The following ZIC3 variants were observed in gnomAD, a reference collection of about 807,000 sequenced individuals.
ZIC3 encodes Zic family zinc finger 3, also known as zinc finger protein ZIC 3.
Under a neutral mutation model 18.3 loss-of-function variants are expected in ZIC3, and 6 were observed. The ratio of observed to expected loss-of-function variants is 0.33; its 90% confidence interval spans 0.18 to 0.65. The LOEUF (loss-of-function observed/expected upper bound fraction) is 0.65. Ranked by LOEUF, ZIC3 falls within the 30% of genes least tolerant of loss-of-function variation. The pLI is 0.75. For synonymous variants in ZIC3, 175 were observed against 177.0 expected, an observed-to-expected ratio of 0.99 and a Z score of 0.09; for missense variants, 260 against 410.0, an observed-to-expected ratio of 0.63 and a Z score of 3.16.
downstream of ZIC3, among the ~76,000 whole-genome samples, chrX:137,574,831 A>G (rs1931494112): frequency 8.9e-6 from 1 of 112,841 alleles, no homozygotes; most frequent in African/African-American, 3.2e-5. Context: ...ACTGTTGCGT[A>G]GTTTAAACTC....
Position 137,566,862 on chromosome X carries a change from G to C in ZIC3, c.171G>C (p.Lys57Asn). 3 of 1,163,480 alleles carry C rather than the reference G, an allele frequency of 2.6e-6. No individual in the cohort carries two copies. Among genetic ancestry groups the C allele is most frequent in the Non-Finnish European group, 3.4e-6 (3 of 872,724 alleles). The change falls in exon 1 of 3, where the codon AAG becomes AAC. Residue 57 changes from lysine to asparagine, a missense_variant. Coordinates refer to ENST00000287538, the MANE Select transcript of ZIC3 (RefSeq NM_003413.4). ...CCGCCGCCGCCGCCGCTGCCTTCAAGCTGAGCCCTGCCGCGGCGCACGATC... is the reference window on the plus strand; with the variant it reads ...CCGCCGCCGCCGCCGCTGCCTTCAACCTGAGCCCTGCCGCGGCGCACGATC... ...AAAAAAAAAF[K>N]LSPAAAHDLS... is the part of the protein sequence containing the mutation.
rs1278715154 is a variant in ZIC3, at chrX:137,567,393, C to T, written c.702C>T (p.His234=). The T allele has an allele frequency of 1.7e-6, 2 of 1,211,463 alleles. No homozygotes were observed. The highest frequency in any genetic ancestry group is 4.3e-5 in the Admixed American group (2 of 46,086). Residue 234 remains histidine, a synonymous_variant, in exon 1 of 3, where the codon CAC becomes CAT. Coordinates refer to ENST00000287538, the MANE Select transcript of ZIC3 (RefSeq NM_003413.4). ...MNMGVNVAAH[H]GPGAFFRYMR... is the part of the protein sequence containing the mutation. ...TGGGAGTGAACGTGGCGGCCCACCA[C>T]GGGCCCGGCGCCTTCTTCCGTTATA...
chrX:137,572,928 T>C (rs78014135), downstream of ZIC3, among the ~76,000 whole-genome samples: 2,009 of 110,236 alleles, frequency 0.018, 48 homozygotes, highest in East Asian at 0.17. Context: ...AATATAAAAG[T>C]TTTGCCCCTG....
chrX:137,577,043 C>T (rs1931521797), downstream of ZIC3: 1 of 423,317 alleles, frequency 2.4e-6, no homozygotes, highest in Non-Finnish European at 4.3e-6. Context: ...ATTCATGTGA[C>T]ATTTTATGAC....
chrX:137,569,202 C>A, intron 2 of ZIC3, 137 bp downstream of exon 2: 1 of 494,037 alleles, frequency 2.0e-6, no homozygotes, highest in Non-Finnish European at 3.1e-6. Flanking sequence ...ACACCTTGAA[C>A]CCATTTTGGG....
At chrX:137,574,465 G>A (rs1441088203), downstream of ZIC3, among the ~76,000 whole-genome samples, 6 of 113,410 alleles carry the variant, frequency 5.3e-5, no homozygotes, top group Admixed American at 9.1e-5. Context: ...CCCGCTGGGA[G>A]GAAAGAGGAG....
At position 137,568,335 on chromosome X, in the gene ZIC3, G is replaced by GATCTATCT. The variant is rs772410999; in HGVS notation, c.1061-564_1061-563insTATCTATC. 7.0e-3 allele frequency among the ~76,000 whole-genome samples: 490 copies of GATCTATCT among 70,251 alleles called. 3 individuals carry two copies. Among genetic ancestry groups the GATCTATCT allele is most frequent in the East Asian group, 0.015 (30 of 2,054 alleles). 61.0% of individuals were successfully genotyped at this position (70,251 alleles called of 115,157 possible). On this transcript the variant is annotated intron_variant, in intron 1 of 2. Transcript: ENST00000287538. ...AAAACTGTCTGGAGCCCCCTGGATCGATCGATCTATCTATCTATCTATCTA... is the reference window on the plus strand; with the variant it reads ...AAAACTGTCTGGAGCCCCCTGGATCGATCTATCTATCGATCTATCTATCTATCTATCTA...
chrX:137,568,702 CA>C, intron 1 of ZIC3, 199 bp from the exon 2 acceptor site: 2 of 161,346 alleles, frequency 1.2e-5, no homozygotes, highest in Non-Finnish European at 2.2e-5. Context: ...CCCCCACCCC[CA>C]CCCCGACCAC....
At position 137,567,679 on chromosome X, in the gene ZIC3, T is replaced by C. The variant is rs1931371184; in HGVS notation, c.988T>C (p.Cys330Arg). ...RVHTGEKPFPCPFPGCGKIFA... is the reference protein window; with the variant it reads ...RVHTGEKPFPRPFPGCGKIFA... The stretch of plus-strand genomic sequence containing the variant: ...GCACACGGGCGAGAAGCCCTTCCCA[T>C]GCCCCTTCCCGGGCTGCGGGAAGAT... The change falls in exon 1 of 3, where the codon TGC (cysteine) becomes CGC (arginine). Residue 330 changes from cysteine to arginine, a missense_variant. Around this residue, in one of 4 missense-constraint regions of ZIC3, gnomAD observed 52 missense variants for 111.5 expected, o/e 0.47. Coordinates refer to ENST00000287538, the MANE Select transcript of ZIC3 (RefSeq NM_003413.4). The C allele has an allele frequency of 8.3e-7, 1 of 1,211,435 alleles. No individual in the cohort carries two copies. Among genetic ancestry groups the C allele is most frequent in the Non-Finnish European group, 1.1e-6 (1 of 895,517 alleles).
intron 1 of ZIC3, among the ~76,000 whole-genome samples, chrX:137,568,339 GATCTATCTATCTATCTATCT>G (rs55777198): frequency 1.3e-5 from 1 of 79,789 alleles, no homozygotes; most frequent in African/African-American, 4.5e-5. Flanking sequence ...TGGATCGATC[GATCTATCTATCTATCTATCT>G]ATCTATCTAT....
At chrX:137,568,765 A>C in intron 1 of ZIC3, 137 bp from the exon 2 acceptor site, 1 of 570,497 alleles carries the variant, frequency 1.8e-6, no homozygotes, top group Non-Finnish European at 2.7e-6. Context: ...TCTCCAGGGA[A>C]AATAGATGCA....
At chrX:137,572,309 G>A (rs1931451432), downstream of ZIC3, among the ~76,000 whole-genome samples, 1 of 112,031 alleles carries the variant, frequency 8.9e-6, no homozygotes, top group Non-Finnish European at 1.9e-5. Context: ...GCTATTTTTT[G>A]TTAGTGGAGA....
At chrX:137,572,775 C>A (rs1278954423), downstream of ZIC3, among the ~76,000 whole-genome samples, 1 of 110,573 alleles carries the variant, frequency 9.0e-6, no homozygotes, top group Non-Finnish European at 1.9e-5. Flanking sequence ...TATTAAATAT[C>A]TCCTGAGACA....
downstream of ZIC3, chrX:137,574,230 C>T (rs1245774236): frequency 1.8e-5 from 2 of 113,461 alleles, no homozygotes; most frequent in Non-Finnish European, 3.7e-5. Context: ...CCGAAAGCCG[C>T]TTGCGGCTCC....
At position 137,566,877 on chromosome X, in the gene ZIC3, G is replaced by A; in HGVS notation, c.186G>A (p.Ala62=). ...AAAAFKLSPA[A]AHDLSSGQSS... is the part of the protein sequence containing the mutation. ...CTGCCTTCAAGCTGAGCCCTGCCGC[G>A]GCGCACGATCTATCTTCAGGCCAGA... Residue 62 remains alanine (A), a synonymous_variant, in exon 1 of 3, where the codon GCG becomes GCA. Coordinates refer to ENST00000287538, the MANE Select transcript of ZIC3 (RefSeq NM_003413.4). The A allele has an allele frequency of 8.6e-7, 1 of 1,164,107 alleles. No individual in the cohort carries two copies. Among genetic ancestry groups the A allele is most frequent in the Non-Finnish European group, 1.1e-6 (1 of 872,609 alleles).
rs777619649 is a variant in ZIC3 at position 137,566,787 on chromosome X, G to A, written c.96G>A (p.Pro32=). The stretch of plus-strand genomic sequence containing the variant: ...ACCACGAGATGCCCAACCGTGAGCC[G>A]GCAGGCATGGGGCTGAATCCCTTCG... ...PRHHEMPNRE[P]AGMGLNPFGD... Residue 32 remains proline (P), a synonymous_variant, in exon 1 of 3, where the codon CCG becomes CCA. Coordinates refer to ENST00000287538, the MANE Select transcript of ZIC3 (RefSeq NM_003413.4). The A allele has an allele frequency of 1.7e-6, 2 of 1,179,753 alleles. No individual in the cohort carries two copies. Among genetic ancestry groups the A allele is most frequent in the Admixed American group, 2.4e-5 (1 of 41,700 alleles).
chrX:137,567,797 C>T (rs750770723), intron 1 of ZIC3, 46 bp downstream of exon 1: 1 of 1,211,141 alleles, frequency 8.3e-7, no homozygotes. Context: ...GGCGATACCC[C>T]GTCACGCAGC....
chrX:137,568,385 T>TCTA (rs57028837), intron 1 of ZIC3, among the ~76,000 whole-genome samples: 37 of 109,745 alleles, frequency 3.4e-4, no homozygotes, highest in African/African-American at 1.2e-3. Flanking sequence ...TATCTATCTA[T>TCTA]ATTTTTTTCC....
chrX:137,567,879 A>AG, intron 1 of ZIC3, 128 bp downstream of exon 1: 1 of 1,115,138 alleles, frequency 9.0e-7, no homozygotes, highest in Non-Finnish European at 1.2e-6. Context: ...CGCTCGAAAA[A>AG]GAAGCGCTGT....
Sources: gnomAD v4.1 joint callset for allele counts (sites outside exome capture counted in the v4.1 genomes callset) on GRCh38, gnomAD v4.1.1 for gene constraint, gnomAD v4.1.1 regional missense constraint, MANE v1.5 for transcripts, NCBI Gene and HGNC (gene_info 2026-07-23, HGNC 2026-07-21) for gene names.